The following RAD51B variants were observed in gnomAD, a reference collection of about 807,000 sequenced individuals.
RAD51B encodes the protein RAD51 paralog B, also known as DNA repair protein RAD51 homolog 2.
Under a neutral mutation model 42.2 loss-of-function variants are expected in RAD51B, and 38 were observed. That is an observed-to-expected ratio of 0.90 (90% confidence interval 0.70 to 1.18). RAD51B has a LOEUF of 1.18. Ranked by LOEUF, RAD51B falls within the 50% of genes most tolerant of loss-of-function variation. The pLI is 0.00. For synonymous variants in RAD51B, 154 were observed against 145.2 expected, an observed-to-expected ratio of 1.06 and a Z score of -0.43; for missense variants, 373 against 400.7, an observed-to-expected ratio of 0.93 and a Z score of 0.59.
At chr14:68,332,045 C>T (rs916640119) in intron 8 of RAD51B, among the ~76,000 whole-genome samples, 7 of 152,086 alleles carry the variant, frequency 4.6e-5, no homozygotes, top group African/African-American at 1.4e-4. Context: ...CAGCAAAACC[C>T]GACTTCCAAA....
chr14:68,525,745 C>T (rs1886882863), intron 10 of RAD51B, among the ~76,000 whole-genome samples: 1 of 152,192 alleles, frequency 6.6e-6, no homozygotes, highest in Admixed American at 6.5e-5. Flanking sequence ...CACTTCCAGC[C>T]AGCACAGGGT....
chr14:68,364,482 T>C (rs1206772333), intron 8 of RAD51B, among the ~76,000 whole-genome samples: 1 of 152,158 alleles, frequency 6.6e-6, no homozygotes, highest in Non-Finnish European at 1.5e-5. Flanking sequence ...GGGATATCAT[T>C]GGAGGACCGC....
At chr14:67,940,078 T>A (rs2045143196) in intron 7 of RAD51B, among the ~76,000 whole-genome samples, 1 of 73,068 alleles carries the variant, frequency 1.4e-5, no homozygotes, top group African/African-American at 5.9e-5. Flanking sequence ...TTTTTTTTTT[T>A]TTTTTTTTTT....
intron 7 of RAD51B, among the ~76,000 whole-genome samples, chr14:68,130,588 CA>C (rs2077866931): frequency 6.6e-6 from 1 of 152,196 alleles, no homozygotes. Context: ...CTCAGAAATT[CA>C]AACAAAATGT....
At chr14:68,195,630 C>T (rs1365788617) in intron 7 of RAD51B, among the ~76,000 whole-genome samples, 6 of 152,070 alleles carry the variant, frequency 3.9e-5, no homozygotes, top group South Asian at 2.1e-4. Flanking sequence ...TATTCCTGGC[C>T]GGGCATGGTA....
intron 8 of RAD51B, among the ~76,000 whole-genome samples, chr14:68,394,589 C>A (rs923501128): frequency 2.0e-5 from 3 of 152,244 alleles, no homozygotes; most frequent in Non-Finnish European, 4.4e-5. Context: ...TGACCTTTTT[C>A]AGAGACCCAG....
chr14:68,442,871 C>T (rs978440838), intron 9 of RAD51B, among the ~76,000 whole-genome samples: 2 of 152,150 alleles, frequency 1.3e-5, no homozygotes, highest in African/African-American at 4.8e-5. Context: ...TCCAAGCCGA[C>T]TTAATCAATA....
chr14:68,546,895 T>G (rs997306422), intron 10 of RAD51B, among the ~76,000 whole-genome samples: 1 of 152,222 alleles, frequency 6.6e-6, no homozygotes, highest in African/African-American at 2.4e-5. Flanking sequence ...CTCTTGGCAA[T>G]TCTGGGCAAG....
intron 7 of RAD51B, among the ~76,000 whole-genome samples, chr14:67,984,035 T>G (rs1166579521): frequency 6.6e-6 from 1 of 151,860 alleles, no homozygotes; most frequent in Non-Finnish European, 1.5e-5. Context: ...GCCTCCCAGG[T>G]TCAAGTGATT....
intron 7 of RAD51B, among the ~76,000 whole-genome samples, chr14:68,084,094 A>G (rs920326524): frequency 3.3e-5 from 5 of 152,210 alleles, no homozygotes; most frequent in African/African-American, 9.7e-5. Context: ...AGCCTTCAGT[A>G]AAGAAATTAA....
intron 7 of RAD51B, among the ~76,000 whole-genome samples, chr14:67,975,458 C>T (rs1007359079): frequency 6.6e-6 from 1 of 152,214 alleles, no homozygotes; most frequent in Non-Finnish European, 1.5e-5. Flanking sequence ...TAAACCTTAA[C>T]AGATATACCT....
At chr14:68,292,035 G>T in intron 8 of RAD51B, 55 bp downstream of exon 8, 1 of 1,449,792 alleles carries the variant, frequency 6.9e-7, no homozygotes, top group South Asian at 1.1e-5. Flanking sequence ...GAGCCCCACT[G>T]CCTCTCCACC....
chr14:67,927,052 C>A (rs1455077239), intron 7 of RAD51B, among the ~76,000 whole-genome samples: 2 of 152,106 alleles, frequency 1.3e-5, no homozygotes, highest in Non-Finnish European at 2.9e-5. Flanking sequence ...TCATCCCATT[C>A]CTGTTATTTA....
chr14:68,418,714 C>T (rs531402244), intron 9 of RAD51B, among the ~76,000 whole-genome samples: 1 of 152,282 alleles, frequency 6.6e-6, no homozygotes, highest in East Asian at 1.9e-4. Context: ...AGGCGCTGCC[C>T]TGAAAGTCAA....
At chr14:68,502,592 G>A (rs946590243) in intron 10 of RAD51B, among the ~76,000 whole-genome samples, 4 of 152,234 alleles carry the variant, frequency 2.6e-5, no homozygotes. Flanking sequence ...CCCACCTGAT[G>A]AGTGCCTACC....
intron 7 of RAD51B, among the ~76,000 whole-genome samples, chr14:67,938,638 T>C (rs2045044361): frequency 1.3e-5 from 2 of 152,254 alleles, no homozygotes; most frequent in South Asian, 4.1e-4. Context: ...ATTTTGTGTA[T>C]AGTTTGCTTT....
Position 68,421,636 on chromosome 14 carries a change from G to A in RAD51B, c.957+10109G>A, listed in dbSNP as rs1250767462. Reference sequence around the variant, plus strand: ...GGATACTGCGAGCAAACGGGGTGGAGGGGTGCTCTCCTGAGCTACGGAAGG... The same window carrying A: ...GGATACTGCGAGCAAACGGGGTGGAAGGGTGCTCTCCTGAGCTACGGAAGG... On this transcript the variant is annotated intron_variant, in intron 9 of 10. Transcript: ENST00000471583. 6 of 1,324,974 alleles carry A rather than the reference G, an allele frequency of 4.5e-6. No individual in the cohort carries two copies. The African/African-American group carries it at 7.2e-5, about 16-fold the overall frequency. 82.1% of individuals were successfully genotyped at this position (1,324,974 alleles called of 1,614,324 possible).
intron 10 of RAD51B, among the ~76,000 whole-genome samples, chr14:68,501,451 C>G (rs992891203): frequency 8.5e-5 from 13 of 152,200 alleles, no homozygotes; most frequent in Non-Finnish European, 1.5e-4. Flanking sequence ...GAGCTGCAGC[C>G]AAGGCCCCAT....
chr14:68,365,154 T>C (rs1594733248), intron 8 of RAD51B, among the ~76,000 whole-genome samples: 1 of 152,204 alleles, frequency 6.6e-6, no homozygotes, highest in Admixed American at 6.5e-5. Flanking sequence ...GAGGGAGACG[T>C]ACTTTATGGG....
Sources: gnomAD v4.1 joint callset for allele counts (sites outside exome capture counted in the v4.1 genomes callset) on GRCh38, gnomAD v4.1.1 for gene constraint, MANE v1.5 for transcripts, NCBI Gene and HGNC (gene_info 2026-07-23, HGNC 2026-07-21) for gene names.